NBPF20: variants seen among roughly 807,000 people sequenced by gnomAD.
NBPF20 encodes the protein NBPF member 20.
In NBPF20, 90 loss-of-function variants were observed where a neutral mutation model predicts 68.1. The ratio of observed to expected loss-of-function variants is 1.32; its 90% CI spans 1.11 to 1.58. NBPF20 has a LOEUF of 1.58. Ranked by LOEUF, NBPF20 falls within the 40% of genes most tolerant of loss-of-function variation. The pLI, the probability that NBPF20 is intolerant of heterozygous loss-of-function variation, is 0.00. For missense variants in NBPF20, 816 were observed against 601.2 expected (o/e 1.36, Z -3.74); for synonymous variants, 290 against 228.1 (o/e 1.27, Z -2.45).
exon 138 of NBPF20, chr1:145,291,474 G>A (rs587739897): frequency 1.4e-5 from 22 of 1,611,984 alleles, no homozygotes; most frequent in East Asian, 6.7e-5. Context: ...ATCTTCACGT[G>A]CCTATAGGTC....
chr1:145,402,526 A>G, intron 3 of NBPF20, 145 bp from the exon 9 acceptor site: 1 of 721,762 alleles, frequency 1.4e-6, no homozygotes. Context: ...TCTGTGGCCA[A>G]GAGAAAGAAT....
At chr1:145,291,350 T>C (rs1661064582) in exon 138 of NBPF20, 1 of 1,365,754 alleles carries the variant, frequency 7.3e-7, no homozygotes, top group Admixed American at 2.2e-5. Flanking sequence ...GTGGGTCCAT[T>C]GTCTTCAGAC....
chr1:145,410,170 C>T (rs1485420683), upstream of NBPF20, among the ~76,000 whole-genome samples: 7 of 151,942 alleles, frequency 4.6e-5, no homozygotes, highest in African/African-American at 1.4e-4. Flanking sequence ...GCTTTATATC[C>T]TCACCAACAG....
intron 9 of NBPF20, among the ~76,000 whole-genome samples, chr1:145,393,548 CTG>C (rs1316678224): frequency 2.0e-5 from 3 of 151,906 alleles, no homozygotes; most frequent in African/African-American, 7.3e-5. Context: ...AAAGGACACT[CTG>C]TATTTGTGCT....
At chr1:145,291,475 C>A in exon 138 of NBPF20, 1 of 1,611,966 alleles carries the variant, frequency 6.2e-7, no homozygotes, top group African/African-American at 1.3e-5. Context: ...TCTTCACGTG[C>A]CTATAGGTCC....
chr1:145,397,321 C>G (rs1211845285), intron 7 of NBPF20, among the ~76,000 whole-genome samples: 1 of 152,172 alleles, frequency 6.6e-6, no homozygotes, highest in Non-Finnish European at 1.5e-5. Context: ...ATTTCTAGTT[C>G]TAGATCCCTG....
chr1:145,409,909 G>T (rs1553668560), upstream of NBPF20, among the ~76,000 whole-genome samples: 1 of 151,586 alleles, frequency 6.6e-6, no homozygotes, highest in Non-Finnish European at 1.5e-5. Context: ...CCTGTAACCA[G>T]TTGCAGAAGT....
At chr1:145,406,251 G>T (rs1553667424), upstream of NBPF20, among the ~76,000 whole-genome samples, 1 of 151,778 alleles carries the variant, frequency 6.6e-6, no homozygotes, top group Non-Finnish European at 1.5e-5. Flanking sequence ...CTTTACTCAG[G>T]TGGGTATATA....
intron 3 of NBPF20, among the ~76,000 whole-genome samples, chr1:145,402,855 G>T (rs1553665796): frequency 3.4e-4 from 51 of 151,018 alleles, no homozygotes; most frequent in African/African-American, 5.4e-4. Context: ...ATGAGAAGCC[G>T]CAGTCAGTCA....
At chr1:145,334,800 G>C (rs1456356023) in intron 83 of NBPF20, among the ~76,000 whole-genome samples, 169 bp from the exon 89 acceptor site, 2 of 134,620 alleles carry the variant, frequency 1.5e-5, no homozygotes, top group African/African-American at 5.1e-5. Flanking sequence ...GGGCCAGGTA[G>C]AAAAGAATGA....
At chr1:145,402,274 G>C in exon 4 of NBPF20, 1 of 1,610,176 alleles carries the variant, frequency 6.2e-7, no homozygotes, top group Non-Finnish European at 8.5e-7. Flanking sequence ...AGTAAGGAGG[G>C]CCTGGAGATG....
At chr1:145,311,637 T>A (rs1183623475) in intron 112 of NBPF20, 149 bp from the exon 118 acceptor site, 1 of 67,702 alleles carries the variant, frequency 1.5e-5, no homozygotes, top group Non-Finnish European at 2.2e-5. Flanking sequence ...GCCTGAAGGC[T>A]GATCACGATA....
chr1:145,408,420 T>A (rs1553668275), upstream of NBPF20, among the ~76,000 whole-genome samples: 1 of 152,058 alleles, frequency 6.6e-6, no homozygotes, highest in Non-Finnish European at 1.5e-5. Flanking sequence ...CTAAAAAAAA[T>A]GAATAACTGT....
rs1662058335 is a variant in NBPF20, at chr1:145,393,692, T to C, written c.1043+192A>G. On this transcript the variant is annotated intron_variant, in intron 9 of 137. Transcript: ENST00000369373. ...TTATGGTCAACTTTCACTAGGTTAG[T>C]AAATGATAAGGGTAGGAAGAAATGG... is the stretch of plus-strand genomic sequence containing the variant. 6 of 1,437,482 alleles carry C rather than the reference T, an allele frequency of 4.2e-6. No individual in the cohort carries two copies. In the African/African-American group the frequency reaches 4.2e-5, roughly 10 times the overall value. The allele number at this position is 1,437,482 out of a possible 1,614,324, so 89.0% of individuals were successfully genotyped here. A position where few individuals can be genotyped will look rare whatever the true frequency, so the allele number is the denominator to read the frequency against.
intron 10 of NBPF20, among the ~76,000 whole-genome samples, chr1:145,392,853 C>A (rs1273609916): frequency 1.0e-5 from 1 of 97,752 alleles, no homozygotes; most frequent in Non-Finnish European, 1.8e-5. Flanking sequence ...GATTAGGGCA[C>A]CACAGGCATG....
the NBPF20 span, among the ~76,000 whole-genome samples, chr1:145,425,385 C>G: frequency 3.3e-5 from 5 of 152,086 alleles, no homozygotes; most frequent in Admixed American, 6.5e-5. Context: ...CGCTGTAAAC[C>G]GTAACTTCCC....
chr1:145,311,806 A>T (rs1407082052), intron 112 of NBPF20, among the ~76,000 whole-genome samples: 1 of 93,648 alleles, frequency 1.1e-5, no homozygotes, highest in Non-Finnish European at 2.0e-5. Context: ...TAGGAGAAAA[A>T]CTGCACTATT....
At chr1:145,311,920 A>C (rs1661495248) in intron 112 of NBPF20, among the ~76,000 whole-genome samples, 1 of 111,572 alleles carries the variant, frequency 9.0e-6, no homozygotes, top group Non-Finnish European at 1.8e-5. Context: ...AAATTCAGAC[A>C]AAATCAGAGT....
At chr1:145,393,414 A>C (rs1435158617) in intron 9 of NBPF20, among the ~76,000 whole-genome samples, 168 bp from the exon 15 acceptor site, 2 of 151,496 alleles carry the variant, frequency 1.3e-5, no homozygotes, top group South Asian at 2.1e-4. Context: ...AGGGCCAGGT[A>C]GAAAAGGATG....
Sources: gnomAD v4.1 joint callset for allele counts (sites outside exome capture counted in the v4.1 genomes callset) on GRCh38, gnomAD v4.1.1 for gene constraint, MANE v1.5 for transcripts, NCBI Gene and HGNC (gene_info 2026-07-23, HGNC 2026-07-21) for gene names.